Variants in EXT1 observed in about 807,000 individuals in gnomAD.
EXT1 encodes exostosin glycosyltransferase 1.
In EXT1, 20 loss-of-function variants were observed where a neutral mutation model predicts 82.5. That is an observed-to-expected ratio of 0.24 (90% CI 0.17 to 0.35). The LOEUF is 0.35. Ranked by LOEUF, EXT1 falls within the 10% of genes least tolerant of loss-of-function variation. The probability of loss-of-function intolerance (pLI) is 1.00; values close to 1 mark genes in which losing one functional copy is unlikely to be tolerated. For missense variants in EXT1, 757 were observed against 936.5 expected, an observed-to-expected ratio of 0.81 and a Z score of 2.50; for synonymous variants, 348 against 350.8, an observed-to-expected ratio of 0.99 and a Z score of 0.09.
intron 1 of EXT1, among the ~76,000 whole-genome samples, chr8:117,936,700 C>T (rs755915200): frequency 2.0e-5 from 3 of 152,038 alleles, no homozygotes; most frequent in African/African-American, 4.8e-5. Context: ...CATAGTGAAA[C>T]GCTGTCTCTA....
chr8:117,830,748 T>A (rs905942095), intron 3 of EXT1, among the ~76,000 whole-genome samples: 7 of 152,222 alleles, frequency 4.6e-5, no homozygotes, highest in Admixed American at 2.6e-4. Flanking sequence ...AGCACTTCTA[T>A]GATTGGTCAC....
chr8:117,988,683 G>A (rs1815372617), intron 1 of EXT1, among the ~76,000 whole-genome samples: 1 of 152,162 alleles, frequency 6.6e-6, no homozygotes, highest in South Asian at 2.1e-4. Flanking sequence ...AGGTGCAGCA[G>A]GAACCTCTTC....
intron 7 of EXT1, among the ~76,000 whole-genome samples, chr8:117,814,234 G>GGTGTGTGTGTGTGTGTGTGTGTGT (rs57727618): frequency 6.8e-6 from 1 of 146,738 alleles, no homozygotes; most frequent in African/African-American, 2.5e-5. Flanking sequence ...CACACACAGT[G>GGTGTGTGTGTGTGTGTGTGTGTGT]GTGTGTGTGT....
chr8:117,914,541 G>T (rs776977680), intron 1 of EXT1, among the ~76,000 whole-genome samples: 4 of 152,116 alleles, frequency 2.6e-5, no homozygotes, highest in Non-Finnish European at 5.9e-5. Context: ...GAGTAGGAAA[G>T]ATATCACTGA....
In EXT1 at chr8:118,111,094, C is replaced by T; in HGVS notation, c.-48G>A. The stretch of plus-strand genomic sequence containing the variant: ...ATTGTAAATAAACACAAGAATCACC[C>T]AAGTTTCCCAATCAACACTTTCAGC... On this transcript the variant is annotated 5_prime_UTR_variant, in exon 1 of 11. The change creates a premature stop within an existing upstream ORF in the 5' untranslated region. Transcript: ENST00000378204. 1 of 1,542,848 alleles carries T rather than the reference C, an allele frequency of 6.5e-7. No homozygotes were observed. The highest frequency in any genetic ancestry group is 8.7e-7 in the Non-Finnish European group (1 of 1,150,286).
intron 7 of EXT1, among the ~76,000 whole-genome samples, chr8:117,815,600 G>A (rs11989122): frequency 0.67 from 102,176 of 152,060 alleles, 34,480 homozygotes; most frequent in Admixed American, 0.74. Context: ...TTTAAGAAAG[G>A]TTTAGCTACC....
chr8:118,086,192 C>G (rs1817414760), intron 1 of EXT1, among the ~76,000 whole-genome samples: 1 of 152,184 alleles, frequency 6.6e-6, no homozygotes, highest in African/African-American at 2.4e-5. Context: ...TGTGTATTGC[C>G]TATCACGTAC....
At chr8:117,908,872 C>T (rs551408115) in intron 1 of EXT1, among the ~76,000 whole-genome samples, 25 of 151,692 alleles carry the variant, frequency 1.6e-4, no homozygotes, top group Admixed American at 7.9e-4. Context: ...GCCTATAATC[C>T]GACCGTTTTG....
intron 1 of EXT1, among the ~76,000 whole-genome samples, chr8:118,046,006 G>A (rs1486545460): frequency 6.6e-6 from 1 of 152,022 alleles, no homozygotes; most frequent in Non-Finnish European, 1.5e-5. Flanking sequence ...ATGTTGGCCA[G>A]GCTGGTCTCA....
chr8:117,871,654 T>C (rs545329814), intron 1 of EXT1, among the ~76,000 whole-genome samples: 1 of 152,186 alleles, frequency 6.6e-6, no homozygotes, highest in Admixed American at 6.5e-5. Context: ...TATTCCCTAA[T>C]GAGAAAATGA....
chr8:118,108,667 T>G lies in EXT1; in HGVS notation c.962+1418A>C, dbSNP rs147433908. 1.1e-4 allele frequency among the ~76,000 whole-genome samples: 16 copies of G among 152,244 alleles called. No homozygotes were observed. The East Asian group carries it at 3.1e-3, about 29-fold the overall frequency. Reference sequence around the variant, plus strand: ...TGGGGGTTGGAAAGCTGAATCTGAGTGCTTGATACTTTCTCCTTCACTCTC... The same window carrying G: ...TGGGGGTTGGAAAGCTGAATCTGAGGGCTTGATACTTTCTCCTTCACTCTC... On this transcript the variant is annotated intron_variant, in intron 1 of 10. Coordinates refer to ENST00000378204, the MANE Select transcript of EXT1 (RefSeq NM_000127.3).
intron 1 of EXT1, among the ~76,000 whole-genome samples, chr8:118,005,696 T>G (rs1048060800): frequency 6.6e-6 from 1 of 152,218 alleles, no homozygotes; most frequent in African/African-American, 2.4e-5. Context: ...CAAAGTGTCT[T>G]TTATGATAAT....
At chr8:117,819,653 T>C in intron 6 of EXT1, 23 bp downstream of exon 6, 1 of 1,600,540 alleles carries the variant, frequency 6.2e-7, no homozygotes, top group Non-Finnish European at 8.6e-7. Context: ...AGGCAGGGGC[T>C]TCTCTGTCAA....
intron 1 of EXT1, among the ~76,000 whole-genome samples, chr8:117,982,571 GC>G (rs1815231550): frequency 6.6e-6 from 1 of 151,994 alleles, no homozygotes; most frequent in African/African-American, 2.4e-5. Context: ...GCTCACTGCA[GC>G]CCCTGCCTCC....
chr8:117,932,346 G>A (rs2514722), intron 1 of EXT1, among the ~76,000 whole-genome samples: 12,770 of 152,070 alleles, frequency 0.084, 1,526 homozygotes, highest in African/African-American at 0.26. Context: ...AGATTTACCT[G>A]GTAAATCTGA....
chr8:118,049,259 C>T (rs532235787), intron 1 of EXT1, among the ~76,000 whole-genome samples: 2 of 152,336 alleles, frequency 1.3e-5, no homozygotes, highest in South Asian at 2.1e-4. Flanking sequence ...AAAACCCACA[C>T]TGCAATAATA....
chr8:117,864,765 T>A (rs932842327), intron 1 of EXT1, among the ~76,000 whole-genome samples: 8 of 117,772 alleles, frequency 6.8e-5, no homozygotes, highest in Admixed American at 1.7e-4. Context: ...AAAAAAAAAA[T>A]CGCAAAAAAA....
chr8:117,896,934 G>C (rs529357823), intron 1 of EXT1, among the ~76,000 whole-genome samples: 1 of 152,146 alleles, frequency 6.6e-6, no homozygotes, highest in Non-Finnish European at 1.5e-5. Context: ...GCCACCCAGG[G>C]TCCCAGCCCC....
intron 4 of EXT1, among the ~76,000 whole-genome samples, chr8:117,824,339 G>A (rs1377566446): frequency 6.6e-6 from 1 of 152,118 alleles, no homozygotes; most frequent in Admixed American, 6.5e-5. Flanking sequence ...TCACAACATT[G>A]TTATCTTTTA....
Sources: allele counts gnomAD v4.1 joint callset (sites outside exome capture counted in the v4.1 genomes callset), GRCh38; gene constraint gnomAD v4.1.1; transcripts MANE v1.5; gene names NCBI Gene and HGNC (gene_info 2026-07-23, HGNC 2026-07-21).